SGCD: variants seen among roughly 807,000 people sequenced by gnomAD.
SGCD encodes the protein delta-sarcoglycan.
SGCD carries 18 observed loss-of-function variants against 36.6 expected under a neutral mutation model. That is an observed-to-expected ratio of 0.49 (90% CI 0.34 to 0.73). The LOEUF (loss-of-function observed/expected upper bound fraction) is 0.73. SGCD is among the 30% of genes least tolerant of loss of function. The pLI, the probability that SGCD is intolerant of heterozygous loss-of-function variation, is 0.01. For synonymous variants in SGCD, 133 were observed against 130.6 expected, an observed-to-expected ratio of 1.02 and a Z score of -0.12; for missense variants, 387 against 346.7, an observed-to-expected ratio of 1.12 and a Z score of -0.92.
At chr5:156,421,696 C>T (rs1053069139) in intron 3 of SGCD, among the ~76,000 whole-genome samples, 1 of 152,042 alleles carries the variant, frequency 6.6e-6, no homozygotes, top group East Asian at 1.9e-4. Flanking sequence ...AGTAAATGAG[C>T]GCTTTTAGCA....
At chr5:156,339,524 C>CTCAT (rs1469224779) in intron 2 of SGCD, among the ~76,000 whole-genome samples, 1 of 152,184 alleles carries the variant, frequency 6.6e-6, no homozygotes, top group Non-Finnish European at 1.5e-5. Flanking sequence ...CAAATGTACA[C>CTCAT]TCATTCATTC....
chr5:156,577,954 T>C (rs1760053322), intron 4 of SGCD, among the ~76,000 whole-genome samples: 1 of 152,224 alleles, frequency 6.6e-6, no homozygotes, highest in Admixed American at 6.5e-5. Flanking sequence ...AACACTATGT[T>C]GAATAGGAGT....
intron 3 of SGCD, among the ~76,000 whole-genome samples, chr5:156,190,246 A>G (rs537034145): frequency 1.3e-5 from 2 of 152,302 alleles, no homozygotes; most frequent in East Asian, 3.9e-4. Flanking sequence ...GAATGCCATT[A>G]TCAAGAAAAT....
intron 3 of SGCD, among the ~76,000 whole-genome samples, chr5:156,224,644 A>G (rs1764803509): frequency 6.6e-6 from 1 of 152,110 alleles, no homozygotes; most frequent in Non-Finnish European, 1.5e-5. Context: ...GTGTGGAGGA[A>G]AGGTTGTTAT....
chr5:156,703,011 A>T (rs558669917), intron 7 of SGCD, among the ~76,000 whole-genome samples: 3 of 152,322 alleles, frequency 2.0e-5, no homozygotes, highest in South Asian at 4.1e-4. Flanking sequence ...AATATAAGCC[A>T]CTGCATTTTT....
chr5:156,515,421 C>T (rs531465938), intron 4 of SGCD, among the ~76,000 whole-genome samples: 9 of 152,132 alleles, frequency 5.9e-5, no homozygotes, highest in East Asian at 5.8e-4. Context: ...GAATGAAGAC[C>T]GCATGTGAAT....
At chr5:156,698,283 A>T (rs528362020) in intron 7 of SGCD, among the ~76,000 whole-genome samples, 1 of 152,334 alleles carries the variant, frequency 6.6e-6, no homozygotes, top group African/African-American at 2.4e-5. Flanking sequence ...ACTTATTTAC[A>T]GGACCAGCAG....
chr5:156,716,445 G>A (rs1350153918), intron 7 of SGCD, among the ~76,000 whole-genome samples: 3 of 152,176 alleles, frequency 2.0e-5, no homozygotes, highest in African/African-American at 7.2e-5. Flanking sequence ...GAATGTGATG[G>A]AGACACAGCC....
chr5:156,445,960 G>C (rs974903418), intron 3 of SGCD, among the ~76,000 whole-genome samples: 1 of 151,996 alleles, frequency 6.6e-6, no homozygotes, highest in African/African-American at 2.4e-5. Flanking sequence ...TAGTTGCCAG[G>C]GAGAGAAAAA....
At chr5:156,702,900 A>G (rs1269905779) in intron 7 of SGCD, among the ~76,000 whole-genome samples, 1 of 152,184 alleles carries the variant, frequency 6.6e-6, no homozygotes, top group Non-Finnish European at 1.5e-5. Flanking sequence ...CTTATTGCCC[A>G]GTGTAATGAA....
intron 7 of SGCD, among the ~76,000 whole-genome samples, chr5:156,711,964 T>A (rs893392120): frequency 2.0e-5 from 3 of 152,256 alleles, no homozygotes; most frequent in African/African-American, 4.8e-5. Context: ...CTCCCCTTTT[T>A]AGACCACATA....
chr5:156,274,335 A>G (rs1766260970), intron 3 of SGCD, among the ~76,000 whole-genome samples: 1 of 152,094 alleles, frequency 6.6e-6, no homozygotes, highest in Non-Finnish European at 1.5e-5. Flanking sequence ...TTATTATACA[A>G]TGGGAATAAT....
chr5:156,135,914 G>T (rs1762445591), intron 3 of SGCD, among the ~76,000 whole-genome samples: 1 of 152,070 alleles, frequency 6.6e-6, no homozygotes, highest in South Asian at 2.1e-4. Context: ...GACTGGTGTT[G>T]CCTTATCTAC....
rs192787422 is a variant in SGCD at position 156,306,880 on chromosome 5, A to C, written c.-43-22654A>C. Among the ~76,000 whole-genome samples, 569 of 152,174 alleles carry C rather than the reference A, an allele frequency of 3.7e-3. 2 individuals are homozygous for C. The highest frequency in any genetic ancestry group is 0.013 in the African/African-American group (544 of 41,504). Reference sequence around the variant, plus strand: ...TTAATAGGCTATTATTAGGCACATAAATTTTTATAATCATCATTTTCTTGC... The same window carrying C: ...TTAATAGGCTATTATTAGGCACATACATTTTTATAATCATCATTTTCTTGC... On this transcript the variant is annotated intron_variant, in intron 3 of 9. Transcript: ENST00000517913.
At chr5:155,769,366 A>T in the SGCD span, among the ~76,000 whole-genome samples, 3 of 151,664 alleles carry the variant, frequency 2.0e-5, no homozygotes, top group Admixed American at 2.0e-4. Flanking sequence ...ATTTTTAGAA[A>T]CAGCCAAAAA....
intron 3 of SGCD, among the ~76,000 whole-genome samples, chr5:156,239,503 G>T (rs1244307431): frequency 6.6e-6 from 1 of 151,500 alleles, no homozygotes; most frequent in Admixed American, 6.6e-5. Flanking sequence ...CTATCAACTA[G>T]TATGAAACCA....
At position 156,591,045 on chromosome 5, in the gene SGCD, A is replaced by AACAC. The variant is rs71917733; in HGVS notation, c.382+1739_382+1742dup. 1.1e-3 allele frequency among the ~76,000 whole-genome samples: 166 copies of AACAC among 151,468 alleles called. 1 individual carries two copies. Among genetic ancestry groups the AACAC allele is most frequent in the African/African-American group, 3.5e-3 (145 of 41,272 alleles). ...TAGATATGTTTAAAACATCATTCTA[A>AACAC]ACACACACACACACATACACACATG... is the stretch of plus-strand genomic sequence containing the variant. On this transcript the variant is annotated intron_variant, in intron 5 of 8. Coordinates refer to ENST00000337851, the MANE Select transcript of SGCD (RefSeq NM_000337.6).
At chr5:155,735,262 G>T in the SGCD span, among the ~76,000 whole-genome samples, 1 of 152,184 alleles carries the variant, frequency 6.6e-6, no homozygotes, top group African/African-American at 2.4e-5. Flanking sequence ...AACTATGTTG[G>T]TAGCTTTGGG....
chr5:156,716,719 C>T (rs950863770), intron 7 of SGCD, among the ~76,000 whole-genome samples: 5 of 152,148 alleles, frequency 3.3e-5, no homozygotes, highest in African/African-American at 1.2e-4. Context: ...CCTTAAAAGG[C>T]TTCTCCTTCC....
Sources: gnomAD v4.1 joint callset for allele counts (sites outside exome capture counted in the v4.1 genomes callset) on GRCh38, gnomAD v4.1.1 for gene constraint, MANE v1.5 for transcripts, NCBI Gene and HGNC (gene_info 2026-07-23, HGNC 2026-07-21) for gene names.